RAB40C: variants seen among roughly 807,000 people sequenced by gnomAD.
The protein encoded by RAB40C is RAB40C, member RAS oncogene family, also known as ras-related protein Rab-40C.
RAB40C carries 8 observed loss-of-function variants against 28.1 expected under a neutral mutation model. That is an observed-to-expected ratio of 0.28 (90% CI 0.17 to 0.51). RAB40C has a LOEUF of 0.51. RAB40C is among the 20% of genes least tolerant of loss of function. The probability of loss-of-function intolerance (pLI) is 0.97; values close to 1 mark genes in which losing one functional copy is unlikely to be tolerated. For missense variants in RAB40C, 288 were observed against 405.9 expected (o/e 0.71, Z 2.50); for synonymous variants, 201 against 171.7 (o/e 1.17, Z -1.34).
intron 3 of RAB40C, chr16:625,061 G>GA: frequency 1.5e-6 from 2 of 1,295,746 alleles, no homozygotes; most frequent in Non-Finnish European, 2.0e-6. Flanking sequence ...CTCCCGGGGG[G>GA]ATTCACTGAT....
chr16:590,223 C>G lies in RAB40C; in HGVS notation c.-69C>G. 1.6e-6 allele frequency: 2 copies of G among 1,229,728 alleles called. No individual in the cohort carries two copies. Among genetic ancestry groups the G allele is most frequent in the East Asian group, 3.8e-5 (1 of 26,448 alleles). 76.2% of individuals were successfully genotyped at this position (1,229,728 alleles called of 1,614,324 possible). ...CGGGCGCAGGTGCGGGGCGCGGGCT[C>G]TCTCACGCCGCGGCCTCACCCGGCG... On this transcript the variant is annotated 5_prime_UTR_variant, in exon 1 of 6. Coordinates refer to ENST00000248139, the MANE Select transcript of RAB40C (RefSeq NM_021168.5).
chr16:598,499 T>A (rs1157306339), intron 1 of RAB40C, among the ~76,000 whole-genome samples: 1 of 147,574 alleles, frequency 6.8e-6, no homozygotes, highest in Non-Finnish European at 1.5e-5. Flanking sequence ...TGGCGGAGGT[T>A]GCAGAGAGCT....
intron 1 of RAB40C, among the ~76,000 whole-genome samples, chr16:601,714 G>T (rs572760634): frequency 6.7e-6 from 1 of 149,060 alleles, no homozygotes; most frequent in South Asian, 2.1e-4. Flanking sequence ...GGTGGTGCAC[G>T]CCTATAATCC....
At position 625,511 on chromosome 16, in the gene RAB40C, T is replaced by C. The variant is rs763220715; in HGVS notation, c.342+2T>C. On this transcript the variant is annotated splice_donor_variant, in intron 4 of 5. Coordinates refer to ENST00000248139, the MANE Select transcript of RAB40C (RefSeq NM_021168.5). LOFTEE classifies it high-confidence loss of function. ...CGCTGGATCAAGGAGATCGATGAGG[T>C]AGGCCTGGGTCCGGGGAGCCCTCCC... 6 of 1,613,140 alleles carry C rather than the reference T, an allele frequency of 3.7e-6. No individual in the cohort carries two copies. Among genetic ancestry groups the C allele is most frequent in the Non-Finnish European group, 4.2e-6 (5 of 1,179,824 alleles).
At chr16:617,152 G>A (rs536385113) in intron 1 of RAB40C, 56 bp from the exon 2 acceptor site, 108 of 1,589,652 alleles carry the variant, frequency 6.8e-5, no homozygotes, top group East Asian at 4.5e-4. Context: ...GGCTGGTCTC[G>A]CGGGCGCTCG....
At chr16:622,025 C>T (rs918839319) in intron 3 of RAB40C, among the ~76,000 whole-genome samples, 10 of 152,166 alleles carry the variant, frequency 6.6e-5, no homozygotes, top group African/African-American at 1.9e-4. Flanking sequence ...GCTTCACTCT[C>T]GCTGGCTGTA....
At chr16:605,811 G>A (rs1269670231) in intron 1 of RAB40C, among the ~76,000 whole-genome samples, 1 of 152,200 alleles carries the variant, frequency 6.6e-6, no homozygotes, top group Non-Finnish European at 1.5e-5. Flanking sequence ...GTACTGAGGA[G>A]TGGAAGCTGG....
Position 595,366 on chromosome 16 carries a change from G to A in RAB40C, c.142+4933G>A, listed in dbSNP as rs545007730. On this transcript the variant is annotated intron_variant, in intron 1 of 5. Coordinates refer to ENST00000248139, the MANE Select transcript of RAB40C (RefSeq NM_021168.5). ...GTGGGCTTGGGGTCCGGGAGGAGCC[G>A]CCCTGCAGGCCTCCTGTGAAGCAGC... Among the ~76,000 whole-genome samples the A allele has an allele frequency of 4.6e-5, 7 of 152,298 alleles. No homozygotes were observed. In the East Asian group the frequency reaches 7.7e-4, roughly 17 times the overall value.
intron 5 of RAB40C, 54 bp downstream of exon 5, chr16:626,175 A>G: frequency 6.5e-7 from 1 of 1,532,424 alleles, no homozygotes; most frequent in Non-Finnish European, 9.0e-7. Context: ...GGCTGCCCTG[A>G]TCACATGGAG....
chr16:601,913 G>A lies in RAB40C; in HGVS notation c.142+11480G>A, dbSNP rs565774352. ...GAGGCCGAGGTGGGTGGATCACGAG[G>A]TCAGGAGATTGGGACCATCCTGGCC... is the stretch of plus-strand genomic sequence containing the variant. On this transcript the variant is annotated intron_variant, in intron 1 of 5. Coordinates refer to ENST00000248139, the MANE Select transcript of RAB40C (RefSeq NM_021168.5). 1.7e-4 allele frequency among the ~76,000 whole-genome samples: 25 copies of A among 151,402 alleles called. No homozygotes were observed. In the South Asian group the frequency reaches 3.3e-3, roughly 20 times the overall value.
At chr16:619,097 T>C (rs1167018779) in intron 3 of RAB40C, among the ~76,000 whole-genome samples, 8 of 145,222 alleles carry the variant, frequency 5.5e-5, no homozygotes, top group Non-Finnish European at 1.1e-4. Flanking sequence ...TGCAGGCATG[T>C]GCACAGGTCT....
At chr16:604,898 A>G (rs981536918) in intron 1 of RAB40C, among the ~76,000 whole-genome samples, 5 of 152,192 alleles carry the variant, frequency 3.3e-5, no homozygotes, top group Admixed American at 3.3e-4. Flanking sequence ...TATCTCTACT[A>G]AAAATACAAA....
intron 1 of RAB40C, among the ~76,000 whole-genome samples, chr16:591,471 T>A (rs575939476): frequency 3.9e-5 from 6 of 152,324 alleles, no homozygotes; most frequent in African/African-American, 1.4e-4. Context: ...CAGGTCCTTA[T>A]AGGCACGCTG....
intron 3 of RAB40C, among the ~76,000 whole-genome samples, chr16:619,621 G>A (rs2036670339): frequency 6.6e-6 from 1 of 152,204 alleles, no homozygotes; most frequent in Non-Finnish European, 1.5e-5. Context: ...GGAAGAGCCA[G>A]GAGAGCCCCT....
intron 1 of RAB40C, among the ~76,000 whole-genome samples, chr16:599,126 G>C (rs1567184977): frequency 1.3e-5 from 2 of 152,234 alleles, no homozygotes; most frequent in Non-Finnish European, 2.9e-5. Flanking sequence ...CACTGATCAG[G>C]GTTGCCGAGG....
At chr16:626,589 C>G (rs1317563791) in intron 5 of RAB40C, among the ~76,000 whole-genome samples, 2 of 152,194 alleles carry the variant, frequency 1.3e-5, no homozygotes, top group East Asian at 3.8e-4. Flanking sequence ...TGCCTCCCAG[C>G]AGGGTTCACT....
chr16:605,408 A>C (rs913782579), intron 1 of RAB40C, among the ~76,000 whole-genome samples: 1 of 152,226 alleles, frequency 6.6e-6, no homozygotes, highest in African/African-American at 2.4e-5. Flanking sequence ...TCTGCAATAC[A>C]GTGAGTGCGG....
At chr16:601,603 G>A (rs967778645) in intron 1 of RAB40C, among the ~76,000 whole-genome samples, 3 of 152,058 alleles carry the variant, frequency 2.0e-5, no homozygotes, top group African/African-American at 7.2e-5. Context: ...GTTCAGACAG[G>A]AGATTCTCAT....
chr16:624,499 GT>G (rs1322372205), intron 3 of RAB40C: 30 of 985,458 alleles, frequency 3.0e-5, no homozygotes, highest in Non-Finnish European at 3.4e-5. Context: ...TGTCAACCTT[GT>G]TCTAAACAGG....
Sources: allele counts gnomAD v4.1 joint callset (sites outside exome capture counted in the v4.1 genomes callset), GRCh38; gene constraint gnomAD v4.1.1; transcripts MANE v1.5; gene names NCBI Gene and HGNC (gene_info 2026-07-23, HGNC 2026-07-21).